SAMMSON: variants seen among roughly 807,000 people sequenced by gnomAD.
The protein encoded by SAMMSON is survival associated mitochondrial melanoma specific oncogenic non-coding RNA, also known as long intergenic non-protein coding RNA 1212.
intron 4 of SAMMSON, among the ~76,000 whole-genome samples, chr3:70,077,096 G>C (rs1031852657): frequency 4.6e-5 from 7 of 152,086 alleles, no homozygotes; most frequent in African/African-American, 1.2e-4. Flanking sequence ...GCTCGCCTTT[G>C]TGAAAAACAG....
At chr3:70,170,578 C>CT (rs1700935048) in intron 4 of SAMMSON, among the ~76,000 whole-genome samples, 1 of 106,492 alleles carries the variant, frequency 9.4e-6, no homozygotes, top group Admixed American at 9.5e-5. Context: ...TCTAGATTTT[C>CT]CTTTTTTTTT....
intron 4 of SAMMSON, chr3:70,125,876 T>C: frequency 1.5e-6 from 1 of 685,098 alleles, no homozygotes. Context: ...TCATCACTGC[T>C]GTCATCTTCT....
intron 8 of SAMMSON, among the ~76,000 whole-genome samples, chr3:70,357,955 C>A (rs1702842277): frequency 6.6e-6 from 1 of 152,018 alleles, no homozygotes; most frequent in African/African-American, 2.4e-5. Context: ...CATCTTGACT[C>A]TTGTTGTGTT....
intron 4 of SAMMSON, among the ~76,000 whole-genome samples, chr3:70,168,630 A>AT (rs1179974431): frequency 1.3e-5 from 2 of 152,004 alleles, no homozygotes; most frequent in African/African-American, 2.4e-5. Context: ...TAGGCATAGA[A>AT]TTGGTAGCCA....
chr3:70,300,304 G>T (rs959546019), intron 7 of SAMMSON, among the ~76,000 whole-genome samples: 16 of 152,030 alleles, frequency 1.1e-4, no homozygotes, highest in Non-Finnish European at 2.2e-4. Flanking sequence ...TTGATTTATA[G>T]ATAAACTTTC....
chr3:70,306,099 G>GTTTA (rs771838641), intron 7 of SAMMSON, among the ~76,000 whole-genome samples: 7 of 152,104 alleles, frequency 4.6e-5, no homozygotes, highest in African/African-American at 1.2e-4. Context: ...AAATAATGGA[G>GTTTA]TTTATTTATT....
intron 9 of SAMMSON, among the ~76,000 whole-genome samples, chr3:70,366,233 A>G (rs1575634519): frequency 4.2e-5 from 1 of 23,990 alleles, no homozygotes; most frequent in Non-Finnish European, 1.0e-4. Context: ...CTCATGATCC[A>G]CCCGCCTCGG....
chr3:70,316,188 T>A (rs903456156), intron 7 of SAMMSON, among the ~76,000 whole-genome samples: 6 of 152,158 alleles, frequency 3.9e-5, no homozygotes, highest in Admixed American at 2.0e-4. Flanking sequence ...TTATCACACA[T>A]TTTATGTTCC....
chr3:70,246,152 T>G (rs1701706784), intron 4 of SAMMSON, among the ~76,000 whole-genome samples: 1 of 152,022 alleles, frequency 6.6e-6, no homozygotes, highest in African/African-American at 2.4e-5. Context: ...CCGTAGCAAC[T>G]ATTTAAAAGC....
At chr3:70,000,066 C>G (rs1346745824) in intron 1 of SAMMSON, among the ~76,000 whole-genome samples, 2 of 152,208 alleles carry the variant, frequency 1.3e-5, no homozygotes, top group African/African-American at 4.8e-5. Context: ...ACAGAAAGCC[C>G]TCTGTCCTTG....
chr3:70,007,177 T>C (rs1576092910), intron 1 of SAMMSON, among the ~76,000 whole-genome samples: 2 of 152,178 alleles, frequency 1.3e-5, no homozygotes, highest in Non-Finnish European at 2.9e-5. Flanking sequence ...ATGGGATTGC[T>C]GGGTCAAATG....
intron 3 of SAMMSON, among the ~76,000 whole-genome samples, chr3:70,040,471 A>G (rs552621086): frequency 6.6e-6 from 1 of 152,148 alleles, no homozygotes; most frequent in Non-Finnish European, 1.5e-5. Context: ...TCATCATTCT[A>G]TCCTTTGTAG....
chr3:70,078,183 A>C (rs1381865987), intron 4 of SAMMSON, among the ~76,000 whole-genome samples: 2 of 152,112 alleles, frequency 1.3e-5, no homozygotes, highest in African/African-American at 4.8e-5. Context: ...ACACAGGAGA[A>C]TCTCATGCCC....
chr3:70,301,786 A>G (rs1042226663), intron 7 of SAMMSON, among the ~76,000 whole-genome samples: 1 of 152,080 alleles, frequency 6.6e-6, no homozygotes, highest in Admixed American at 6.6e-5. Context: ...TATATTCAAG[A>G]TATTGAACAT....
chr3:70,346,880 T>C (rs1259232285), intron 7 of SAMMSON, among the ~76,000 whole-genome samples: 1 of 152,196 alleles, frequency 6.6e-6, no homozygotes, highest in Non-Finnish European at 1.5e-5. Context: ...GCACCATCTC[T>C]GAGGTGTTAT....
rs564567402 is a variant in SAMMSON at position 70,200,237 on chromosome 3, G to A, written n.508-48870G>A. Among the ~76,000 whole-genome samples the A allele has an allele frequency of 1.5e-3, 225 of 152,230 alleles. 1 individual carries two copies. The South Asian group carries it at 0.022, about 15-fold the overall frequency. The stretch of plus-strand genomic sequence containing the variant: ...GCAAGGACACTCTGCTTCCACATGA[G>A]CCCGCTTCAAATTCATCAGCTCCTT... On this transcript the variant is annotated intron_variant and non_coding_transcript_variant, in intron 4 of 9. Coordinates refer to ENST00000642114, the Ensembl canonical transcript of SAMMSON.
chr3:70,371,999 G>T (rs1702974238), intron 9 of SAMMSON, among the ~76,000 whole-genome samples: 1 of 152,086 alleles, frequency 6.6e-6, no homozygotes, highest in African/African-American at 2.4e-5. Context: ...TTATGTTGAG[G>T]TATGTCACTT....
In SAMMSON at chr3:70,131,548, G is replaced by T. The variant is rs140699958; in HGVS notation, n.507+59983G>T. 1.1e-4 allele frequency among the ~76,000 whole-genome samples: 17 copies of T among 152,162 alleles called. No individual in the cohort carries two copies. The East Asian group carries it at 3.3e-3, about 29-fold the overall frequency. ...CTCTTATTTATCTTACTCCAATCAT[G>T]AACAGGAAGAACAGGGTTTAGTTAA... On this transcript the variant is annotated intron_variant and non_coding_transcript_variant, in intron 4 of 9. Transcript: ENST00000642114.
intron 4 of SAMMSON, among the ~76,000 whole-genome samples, chr3:70,110,183 TTCTC>T (rs768048305): frequency 1.3e-5 from 2 of 152,202 alleles, no homozygotes; most frequent in Non-Finnish European, 2.9e-5. Context: ...TCGTGTGTCT[TTCTC>T]TCTACTCTTA....
Sources: gnomAD v4.1 joint callset for allele counts (sites outside exome capture counted in the v4.1 genomes callset) on GRCh38, gnomAD v4.1.1 for gene constraint, MANE v1.5 for transcripts, NCBI Gene and HGNC (gene_info 2026-07-23, HGNC 2026-07-21) for gene names.